The following PTPN14 variants were observed in gnomAD, a reference collection of about 807,000 sequenced individuals.
PTPN14 encodes the protein tyrosine-protein phosphatase non-receptor type 14.
In PTPN14, 53 loss-of-function variants were observed where a neutral mutation model predicts 126.8. That is an observed-to-expected ratio of 0.42 (90% CI 0.34 to 0.53). The LOEUF is 0.53. Among genes scored for constraint, PTPN14 ranks in the 20% least tolerant of loss-of-function variants. PTPN14 has a pLI of 0.08. For synonymous variants in PTPN14, 630 were observed against 599.3 expected (o/e 1.05, Z -0.75); for missense variants, 1,257 against 1,552.9 (o/e 0.81, Z 3.20).
At chr1:214,453,847 C>T (rs1048512782) in intron 2 of PTPN14, among the ~76,000 whole-genome samples, 2 of 152,172 alleles carry the variant, frequency 1.3e-5, no homozygotes, top group African/African-American at 4.8e-5. Context: ...AAAAAAATCA[C>T]AAAGCTATAC....
Position 214,364,775 on chromosome 1 carries a change from G to A in PTPN14, c.3272-100C>T. ...AAGAGAACTGATGGTGAGTGTGTGT[G>A]TGTGTGTGTGTGTGTGTGTGTGTGT... On this transcript the variant is annotated intron_variant, in intron 17 of 18. Transcript: ENST00000366956. This position sits in a 1 kb window ranked among gnomAD's most constrained non-coding sequence, Gnocchi z 4.1. The A allele has an allele frequency of 7.4e-6, 5 of 679,216 alleles. No homozygotes were observed. The highest frequency in any genetic ancestry group is 1.2e-5 in the Non-Finnish European group (5 of 423,156). 42.1% of individuals were successfully genotyped at this position (679,216 alleles called of 1,614,324 possible). A position where few individuals can be genotyped will look rare whatever the true frequency, so the allele number is the denominator to read the frequency against.
intron 5 of PTPN14, among the ~76,000 whole-genome samples, chr1:214,409,744 AAGACTT>A (rs1196413897): frequency 3.2e-4 from 14 of 44,342 alleles, no homozygotes; most frequent in East Asian, 1.5e-3. Flanking sequence ...CATGCTCAGT[AAGACTT>A]TACTCCTCAT....
chr1:214,471,634 G>A (rs994033531), intron 1 of PTPN14, among the ~76,000 whole-genome samples: 1 of 152,160 alleles, frequency 6.6e-6, no homozygotes, highest in East Asian at 1.9e-4. Flanking sequence ...AAATGAAGGT[G>A]GGGGGTGAGG....
At position 214,377,943 on chromosome 1, in the gene PTPN14, C is replaced by G. The variant is rs764066355; in HGVS notation, c.2688+16G>C. 6.2e-7 allele frequency: 1 copy of G among 1,607,228 alleles called. No individual in the cohort carries two copies. Among genetic ancestry groups the G allele is most frequent in the African/African-American group, 1.3e-5 (1 of 74,448 alleles). On this transcript the variant is annotated intron_variant, in intron 14 of 18. Coordinates refer to ENST00000366956, the MANE Select transcript of PTPN14 (RefSeq NM_005401.5). ...GACTACAGAGAATGAGTCACATTGA[C>G]AAGCCTGCCACTTACCCTCTCGTCC...
intron 1 of PTPN14, among the ~76,000 whole-genome samples, chr1:214,492,667 G>T (rs1661276439): frequency 6.6e-6 from 1 of 152,122 alleles, no homozygotes; most frequent in Non-Finnish European, 1.5e-5. Context: ...AAGCCCTTTG[G>T]GAGGCCATGG....
chr1:214,445,859 G>C (rs1256669420), intron 3 of PTPN14, among the ~76,000 whole-genome samples: 1 of 152,082 alleles, frequency 6.6e-6, no homozygotes, highest in Non-Finnish European at 1.5e-5. Context: ...TCCGTGTCCA[G>C]AAAAATGTGA....
At chr1:214,506,489 C>A (rs1654846751) in intron 1 of PTPN14, among the ~76,000 whole-genome samples, 2 of 146,670 alleles carry the variant, frequency 1.4e-5, no homozygotes, top group South Asian at 2.1e-4. Context: ...TGCACTCCAA[C>A]CTGGAAGATA....
chr1:214,376,132 C>T (rs2102526865), intron 15 of PTPN14, 87 bp downstream of exon 15: 1 of 1,267,332 alleles, frequency 7.9e-7, no homozygotes, highest in Non-Finnish European at 1.1e-6. Context: ...AAAGGTACAA[C>T]TGCAGCCCAC....
At chr1:214,419,634 G>A (rs1659499031) in intron 3 of PTPN14, among the ~76,000 whole-genome samples, 1 of 152,090 alleles carries the variant, frequency 6.6e-6, no homozygotes, top group Non-Finnish European at 1.5e-5. Flanking sequence ...GACAGCATTG[G>A]TTTCTGGCTG....
Position 214,384,633 on chromosome 1 carries a change from G to C in PTPN14, c.1222C>G (p.Pro408Ala). 6.2e-7 allele frequency: 1 copy of C among 1,614,162 alleles called. No homozygotes were observed. ...GGGATACTGAGGTTGGAGGATACAG[G>C]GGAGGCCTGGATGAAACTTTGCGAG... ...NCSQSFIQASPVSSNLSIPGS... is the reference protein window; with the variant it reads ...NCSQSFIQASAVSSNLSIPGS... Residue 408 changes from proline (P) to alanine (A), a missense_variant, in exon 13 of 19, where the codon CCT (proline) becomes GCT (alanine). Pro to Ala is a conservative substitution (Grantham distance 27). Transcript: ENST00000366956. This position sits in a 1 kb window ranked among gnomAD's most constrained non-coding sequence, Gnocchi z 5.3.
chr1:214,489,906 C>G (rs143366701), intron 1 of PTPN14, among the ~76,000 whole-genome samples: 152 of 152,312 alleles, frequency 1.0e-3, no homozygotes, highest in African/African-American at 3.5e-3. Flanking sequence ...AGTGTCTCGT[C>G]TATAAAATAA....
intron 1 of PTPN14, among the ~76,000 whole-genome samples, chr1:214,490,495 C>G (rs1661205031): frequency 6.6e-6 from 1 of 152,078 alleles, no homozygotes; most frequent in African/African-American, 2.4e-5. Context: ...ATTGTGTATG[C>G]ATAAATGAGA....
intron 1 of PTPN14, among the ~76,000 whole-genome samples, chr1:214,469,540 T>C (rs1393701559): frequency 2.0e-5 from 3 of 152,202 alleles, no homozygotes; most frequent in Non-Finnish European, 4.4e-5. Context: ...CATTATAAAA[T>C]CTGGAACTAA....
rs947192152 is a variant in PTPN14, at chr1:214,352,424, G to A, written c.*5498C>T. 2.0e-5 allele frequency: 3 copies of A among 152,200 alleles called. No individual in the cohort carries two copies. The highest frequency in any genetic ancestry group is 6.5e-5 in the Admixed American group (1 of 15,276). The allele number at this position is 152,200 out of a possible 1,614,324, so 9.4% of individuals were successfully genotyped here. A position where few individuals can be genotyped will look rare whatever the true frequency, so the allele number is the denominator to read the frequency against. The stretch of plus-strand genomic sequence containing the variant: ...AGGCTGAGTGTTGATGGCGCAAGCT[G>A]GTGGTCAAGTTTCACAGGGCCCCCT... On this transcript the variant is annotated 3_prime_UTR_variant, in exon 19 of 19. Coordinates refer to ENST00000366956, the MANE Select transcript of PTPN14 (RefSeq NM_005401.5).
At chr1:214,365,292 GT>G (rs1341661085) in intron 17 of PTPN14, among the ~76,000 whole-genome samples, 2 of 152,176 alleles carry the variant, frequency 1.3e-5, no homozygotes, top group Non-Finnish European at 2.9e-5. Context: ...TGTGTGTGAG[GT>G]GGAGGGGGTC....
intron 1 of PTPN14, among the ~76,000 whole-genome samples, chr1:214,505,183 A>G (rs759528369): frequency 7.5e-4 from 65 of 86,526 alleles, no homozygotes; most frequent in African/African-American, 3.0e-3. Flanking sequence ...CCCGCCAGGG[A>G]AAAAAAAAAA....
chr1:214,471,076 T>C (rs1206409199), intron 1 of PTPN14, among the ~76,000 whole-genome samples: 1 of 143,600 alleles, frequency 7.0e-6, no homozygotes, highest in Non-Finnish European at 1.5e-5. Flanking sequence ...ACCCCCTAAA[T>C]CTTTTTTTTT....
At chr1:214,526,867 G>T (rs922289584) in intron 1 of PTPN14, among the ~76,000 whole-genome samples, 2 of 152,178 alleles carry the variant, frequency 1.3e-5, no homozygotes, top group Non-Finnish European at 2.9e-5. Context: ...CAACGCGGGG[G>T]GATCACCTGA....
intron 1 of PTPN14, among the ~76,000 whole-genome samples, chr1:214,545,049 TA>T (rs1475370434): frequency 2.0e-5 from 3 of 152,034 alleles, no homozygotes; most frequent in East Asian, 3.9e-4. Context: ...CACTAAGTGT[TA>T]GGGGCGCTAG....
Sources: gnomAD v4.1 joint callset for allele counts (sites outside exome capture counted in the v4.1 genomes callset) on GRCh38, gnomAD v4.1.1 for gene constraint, Gnocchi (gnomAD v3.1) non-coding constraint, MANE v1.5 for transcripts, NCBI Gene and HGNC (gene_info 2026-07-23, HGNC 2026-07-21) for gene names.